Variants in SHROOM3 observed in about 807,000 individuals in gnomAD.
SHROOM3 encodes the protein shroom family member 3, also known as protein Shroom3.
Under a neutral mutation model 138.6 loss-of-function variants are expected in SHROOM3, and 47 were observed. The ratio of observed to expected loss-of-function variants is 0.34; its 90% CI spans 0.27 to 0.43. The LOEUF (loss-of-function observed/expected upper bound fraction) is 0.43, where lower values mean the gene tolerates loss of function less well. SHROOM3 is among the 20% of genes least tolerant of loss of function. The pLI, the probability that SHROOM3 is intolerant of heterozygous loss-of-function variation, is 1.00. For missense variants in SHROOM3, 2,491 were observed against 2,596.5 expected, an observed-to-expected ratio of 0.96 and a Z score of 0.88; for synonymous variants, 1,062 against 1,063.3, an observed-to-expected ratio of 1.00 and a Z score of 0.02.
chr4:76,664,916 C>G lies in SHROOM3; in HGVS notation c.324-45240C>G, dbSNP rs530796147. Among the ~76,000 whole-genome samples the G allele has an allele frequency of 2.0e-5, 3 of 151,926 alleles. No homozygotes were observed. Among genetic ancestry groups the G allele is most frequent in the South Asian group, 2.1e-4 (1 of 4,814 alleles). ...CTGTAATCCTAGCACTTTGGTAGGCCGAGGTGGGCAGATCACTTGAGCCCA... is the reference window on the plus strand; with the variant it reads ...CTGTAATCCTAGCACTTTGGTAGGCGGAGGTGGGCAGATCACTTGAGCCCA... On this transcript the variant is annotated intron_variant, in intron 2 of 10. Coordinates refer to ENST00000296043, the MANE Select transcript of SHROOM3 (RefSeq NM_020859.4). The surrounding 1 kb of genome is among the most constrained non-coding windows in gnomAD (Gnocchi z 4.2).
chr4:76,523,453 C>T lies in SHROOM3; in HGVS notation c.169-32156C>T, dbSNP rs534619252. On this transcript the variant is annotated intron_variant, in intron 1 of 10. Transcript: ENST00000296043. ...AGAGGGAGGGTGTATAGGATGGGAG[C>T]ATGTACAATGTAGCAAAATATTAAT... Among the ~76,000 whole-genome samples, 22 of 152,208 alleles carry T rather than the reference C, an allele frequency of 1.4e-4. No homozygotes were observed. In the South Asian group the frequency reaches 4.4e-3, roughly 30 times the overall value.
chr4:76,751,408 A>T (rs1721619101), intron 6 of SHROOM3, among the ~76,000 whole-genome samples: 1 of 152,192 alleles, frequency 6.6e-6, no homozygotes, highest in Admixed American at 6.5e-5. Context: ...AAAAAACATA[A>T]AATGTTCTAA....
intron 1 of SHROOM3, among the ~76,000 whole-genome samples, chr4:76,486,258 A>G (rs1160707760): frequency 6.6e-6 from 1 of 152,250 alleles, no homozygotes; most frequent in East Asian, 1.9e-4. Flanking sequence ...AAGGACAAAC[A>G]GTAGATGACA....
At position 76,781,052 on chromosome 4, in the gene SHROOM3, C is replaced by G. The variant is rs1234842235; in HGVS notation, c.*1875C>G. ...AGAGGAATCCAGGGGGCTCCCAGTT[C>G]CCAACACTCTTCGAGATGACCATTT... On this transcript the variant is annotated 3_prime_UTR_variant, in exon 11 of 11. Coordinates refer to ENST00000296043, the MANE Select transcript of SHROOM3 (RefSeq NM_020859.4). 6.6e-6 allele frequency: 1 copy of G among 152,156 alleles called. No homozygotes were observed. The highest frequency in any genetic ancestry group is 2.4e-5 in the African/African-American group (1 of 41,432). The allele number at this position is 152,156 out of a possible 1,614,324, so 9.4% of individuals were successfully genotyped here.
chr4:76,723,219 A>T (rs1014740647), intron 3 of SHROOM3, among the ~76,000 whole-genome samples: 2 of 152,100 alleles, frequency 1.3e-5, no homozygotes, highest in Non-Finnish European at 2.9e-5. Context: ...GACCCCATTC[A>T]TGTGAGCTTT....
intron 2 of SHROOM3, among the ~76,000 whole-genome samples, chr4:76,596,786 C>G (rs143677799): frequency 7.1e-4 from 108 of 152,270 alleles, no homozygotes; most frequent in African/African-American, 2.5e-3. Flanking sequence ...TAACAAAATC[C>G]CATCAGAAGC....
intron 2 of SHROOM3, among the ~76,000 whole-genome samples, chr4:76,661,681 T>C (rs1289398705): frequency 6.6e-6 from 1 of 152,216 alleles, no homozygotes; most frequent in Admixed American, 6.5e-5. Context: ...TAACACAGTA[T>C]ATAATCTTTT....
At chr4:76,668,003 A>C (rs1718759324) in intron 2 of SHROOM3, among the ~76,000 whole-genome samples, 1 of 138,250 alleles carries the variant, frequency 7.2e-6, no homozygotes, top group Non-Finnish European at 1.5e-5. Context: ...GTTGTTCTGC[A>C]GGTGCACGCA....
At chr4:76,501,670 G>A (rs1732098716) in intron 1 of SHROOM3, among the ~76,000 whole-genome samples, 2 of 152,054 alleles carry the variant, frequency 1.3e-5, no homozygotes, top group Admixed American at 1.3e-4. Context: ...AAGGGAAAGG[G>A]GCTAGAAATA....
intron 2 of SHROOM3, among the ~76,000 whole-genome samples, chr4:76,681,619 G>GTT (rs1719198363): frequency 6.9e-6 from 1 of 144,014 alleles, no homozygotes; most frequent in African/African-American, 2.7e-5. Context: ...GTGTGTGTGT[G>GTT]TGTGTGTGTG....
chr4:76,754,900 G>A lies in SHROOM3; in HGVS notation c.4417G>A (p.Asp1473Asn), dbSNP rs772310198. 3.7e-6 allele frequency: 6 copies of A among 1,614,204 alleles called. No homozygotes were observed. Among genetic ancestry groups the A allele is most frequent in the Non-Finnish European group, 5.1e-6 (6 of 1,180,030 alleles). ...LPSLCSTSDP[D>N]TPLGAPSTPG... ...AAGTTTATGCAGCACTTCTGACCCA[G>A]ACACACCTCTTGGGGCCCCGAGCAC... Residue 1473 changes from aspartate (D) to asparagine (N), a missense_variant, in exon 7 of 11, where the codon GAC (aspartate) becomes AAC (asparagine). By Grantham distance (23) the Asp-to-Asn change is conservative. Coordinates refer to ENST00000296043, the MANE Select transcript of SHROOM3 (RefSeq NM_020859.4).
intron 9 of SHROOM3, among the ~76,000 whole-genome samples, chr4:76,764,192 G>A (rs1027815240): frequency 6.6e-6 from 1 of 152,148 alleles, no homozygotes; most frequent in African/African-American, 2.4e-5. Flanking sequence ...GTAAGTATCA[G>A]TTAAAATATG....
intron 3 of SHROOM3, among the ~76,000 whole-genome samples, chr4:76,720,156 T>G (rs895185280): frequency 1.2e-4 from 8 of 68,966 alleles, no homozygotes; most frequent in Non-Finnish European, 1.8e-4. Context: ...TTTAGGTTTT[T>G]TTTTTTTTTT....
intron 2 of SHROOM3, among the ~76,000 whole-genome samples, chr4:76,651,409 T>A (rs1221426018): frequency 1.0e-4 from 2 of 20,046 alleles, no homozygotes; most frequent in Admixed American, 5.7e-4. Context: ...TAAATATATA[T>A]ATATATATAT....
chr4:76,584,330 A>C (rs1014235148), intron 2 of SHROOM3, among the ~76,000 whole-genome samples: 2 of 152,126 alleles, frequency 1.3e-5, no homozygotes, highest in Non-Finnish European at 2.9e-5. Flanking sequence ...GAAAAAAAAA[A>C]AAAAGAGTCA....
intron 4 of SHROOM3, among the ~76,000 whole-genome samples, chr4:76,735,685 C>T (rs991213903): frequency 2.1e-4 from 31 of 149,996 alleles, no homozygotes; most frequent in African/African-American, 7.6e-4. Flanking sequence ...ACTAAAAATA[C>T]AAAAATTAGC....
chr4:76,502,972 A>G (rs1732131324), intron 1 of SHROOM3, among the ~76,000 whole-genome samples: 1 of 152,060 alleles, frequency 6.6e-6, no homozygotes, highest in Admixed American at 6.5e-5. Context: ...GTTTTCTTGT[A>G]TGCTATGTTC....
chr4:76,572,833 C>T (rs1005955521), intron 2 of SHROOM3, among the ~76,000 whole-genome samples: 4 of 152,076 alleles, frequency 2.6e-5, no homozygotes, highest in Non-Finnish European at 4.4e-5. Context: ...GTAATCCCAG[C>T]GCTTTGGGAG....
At chr4:76,676,913 A>G (rs1005683967) in intron 2 of SHROOM3, among the ~76,000 whole-genome samples, 115 of 146,940 alleles carry the variant, frequency 7.8e-4, no homozygotes, top group African/African-American at 2.8e-3. Context: ...ACTGCACTCC[A>G]GCCTGGGCGA....
Sources: allele counts gnomAD v4.1 joint callset (sites outside exome capture counted in the v4.1 genomes callset), GRCh38; gene constraint gnomAD v4.1.1; non-coding constraint Gnocchi (gnomAD v3.1); transcripts MANE v1.5; gene names NCBI Gene and HGNC (gene_info 2026-07-23, HGNC 2026-07-21).